The following FLNB variants were observed in gnomAD, a reference collection of about 807,000 sequenced individuals.
FLNB encodes filamin-B.
FLNB carries 111 observed loss-of-function variants against 250.6 expected under a neutral mutation model. The observed-to-expected ratio is 0.44, with a 90% CI of 0.38 to 0.52. The LOEUF is 0.52. Among genes scored for constraint, FLNB ranks in the 20% least tolerant of loss-of-function variants. The probability of loss-of-function intolerance (pLI) is 0.00; values close to 1 mark genes in which losing one functional copy is unlikely to be tolerated. For synonymous variants in FLNB, 1,302 were observed against 1,372.1 expected (o/e 0.95, Z 1.13); for missense variants, 2,869 against 3,447.8 (o/e 0.83, Z 4.20).
chr3:58,078,957 A>T (rs1233719507), intron 3 of FLNB, 143 bp downstream of exon 3: 1 of 670,766 alleles, frequency 1.5e-6, no homozygotes, highest in East Asian at 2.8e-5. Flanking sequence ...CATCTTCCTC[A>T]GTTTACCCAT....
chr3:58,093,741 G>A (rs1178722237), intron 4 of FLNB, among the ~76,000 whole-genome samples: 5 of 152,108 alleles, frequency 3.3e-5, no homozygotes, highest in Admixed American at 3.3e-4. Context: ...TGGGCGAATG[G>A]TTAAACTGTG....
At chr3:58,066,116 G>T (rs1313105442) in intron 1 of FLNB, among the ~76,000 whole-genome samples, 1 of 152,124 alleles carries the variant, frequency 6.6e-6, no homozygotes, top group African/African-American at 2.4e-5. Flanking sequence ...GCAACCTGTT[G>T]CTTTGAGGTT....
At chr3:58,035,224 C>T (rs886760371) in intron 1 of FLNB, among the ~76,000 whole-genome samples, 18 of 152,204 alleles carry the variant, frequency 1.2e-4, no homozygotes, top group African/African-American at 4.3e-4. Flanking sequence ...CTTCACCTCA[C>T]AGGCAGATCA....
chr3:58,124,438 C>T lies in FLNB; in HGVS notation c.3831C>T (p.Ser1277=). 2 of 1,614,252 alleles carry T rather than the reference C, an allele frequency of 1.2e-6. No homozygotes were observed. Among genetic ancestry groups the T allele is most frequent in the Non-Finnish European group, 1.7e-6 (2 of 1,180,038 alleles). ...ACATTGCCAACCCCTCAGGGGCCTCCACCGAGTGCTTTGTCACAGACAATG... is the reference window on the plus strand; with the variant it reads ...ACATTGCCAACCCCTCAGGGGCCTCTACCGAGTGCTTTGTCACAGACAATG... ...KAHIANPSGA[S]TECFVTDNAD... The change falls in exon 22 of 46, where the codon TCC becomes TCT. Residue 1277 remains serine, a synonymous_variant. Transcript: ENST00000295956.
Position 58,142,816 on chromosome 3 carries a change from C to A in FLNB, c.5284+64C>A. 2.8e-6 allele frequency: 4 copies of A among 1,426,416 alleles called. No individual in the cohort carries two copies. The highest frequency in any genetic ancestry group is 3.9e-6 in the Non-Finnish European group (4 of 1,012,714). The allele number at this position is 1,426,416 out of a possible 1,614,324, so 88.4% of individuals were successfully genotyped here. On this transcript the variant is annotated intron_variant, in intron 31 of 45. Coordinates refer to ENST00000295956, the MANE Select transcript of FLNB (RefSeq NM_001457.4). The surrounding 1 kb of genome is among the most constrained non-coding windows in gnomAD (Gnocchi z 4.3). ...CTCTCACGAGCTTCCCAGAATGGTG[C>A]TGGGGAGGTGTGTCCACTGTCCCCC...
chr3:58,105,749 A>C (rs945331134), intron 11 of FLNB, among the ~76,000 whole-genome samples: 2 of 152,224 alleles, frequency 1.3e-5, no homozygotes, highest in Non-Finnish European at 2.9e-5. Context: ...CAGCTATAGG[A>C]ATACGTAAAC....
chr3:58,044,573 T>C (rs967547883), intron 1 of FLNB, among the ~76,000 whole-genome samples: 1 of 152,174 alleles, frequency 6.6e-6, no homozygotes, highest in Non-Finnish European at 1.5e-5. Flanking sequence ...TGCAGCAAGC[T>C]GTGATCACAC....
intron 4 of FLNB, among the ~76,000 whole-genome samples, chr3:58,085,755 C>T (rs992618576): frequency 6.6e-6 from 1 of 152,142 alleles, no homozygotes; most frequent in Admixed American, 6.5e-5. Flanking sequence ...TCCTTAAGCA[C>T]CCTTCTATCT....
intron 25 of FLNB, 86 bp downstream of exon 25, chr3:58,130,994 G>A: frequency 7.7e-6 from 10 of 1,296,300 alleles, no homozygotes; most frequent in Non-Finnish European, 9.7e-6. Context: ...TTGCTTTTGA[G>A]TTTGCTCATG....
chr3:58,155,045 A>C, intron 40 of FLNB, 117 bp downstream of exon 40: 1 of 987,058 alleles, frequency 1.0e-6, no homozygotes, highest in Non-Finnish European at 1.6e-6. Flanking sequence ...GTATGGGCAC[A>C]TGGGACAGCC....
In FLNB at chr3:58,025,981, T is replaced by G. The variant is rs191320403; in HGVS notation, c.292+17125T>G. On this transcript the variant is annotated intron_variant, in intron 1 of 45. Coordinates refer to ENST00000295956, the MANE Select transcript of FLNB (RefSeq NM_001457.4). Reference sequence around the variant, plus strand: ...GAGTTCTTAGGTATAAAAGAGAAGGTGCCTCTAAAGCTCTTGGCACCGTGC... The same window carrying G: ...GAGTTCTTAGGTATAAAAGAGAAGGGGCCTCTAAAGCTCTTGGCACCGTGC... Among the ~76,000 whole-genome samples the G allele has an allele frequency of 1.7e-3, 264 of 152,292 alleles. 1 individual carries two copies. The highest frequency in any genetic ancestry group is 5.7e-3 in the African/African-American group (238 of 41,558).
intron 1 of FLNB, among the ~76,000 whole-genome samples, chr3:58,039,623 A>C (rs1261153648): frequency 6.6e-6 from 1 of 152,224 alleles, no homozygotes; most frequent in East Asian, 1.9e-4. Flanking sequence ...TAGAAGGAAC[A>C]GAACTAGCTT....
chr3:58,115,217 G>GT (rs1374747962), intron 18 of FLNB, among the ~76,000 whole-genome samples: 1 of 152,170 alleles, frequency 6.6e-6, no homozygotes, highest in Non-Finnish European at 1.5e-5. Flanking sequence ...CTGAGGGTTG[G>GT]TGGGAGCCTT....
chr3:58,105,298 G>T (rs769004322), intron 11 of FLNB, 82 bp downstream of exon 11: 119 of 1,559,574 alleles, frequency 7.6e-5, no homozygotes, highest in Non-Finnish European at 1.0e-4. Context: ...GGATGTTGGG[G>T]CCTTGCCTAG....
At chr3:58,152,264 G>C (rs533576817) in intron 38 of FLNB, among the ~76,000 whole-genome samples, 2 of 152,258 alleles carry the variant, frequency 1.3e-5, no homozygotes, top group Admixed American at 6.5e-5. Context: ...ACTAACTTCA[G>C]ATGTCCTCCG....
chr3:58,149,623 G>C (rs757057482), intron 36 of FLNB: 47 of 596,922 alleles, frequency 7.9e-5, no homozygotes, highest in Non-Finnish European at 1.3e-4. Context: ...TTAAGGAAAG[G>C]CTTCTGTGGT....
At chr3:58,133,045 A>G in intron 26 of FLNB, 114 bp downstream of exon 26, 1 of 1,202,558 alleles carries the variant, frequency 8.3e-7, no homozygotes, top group Non-Finnish European at 1.2e-6. Context: ...CCATCCACTC[A>G]TCCATTCCTC....
rs559223528 is a variant in FLNB, at chr3:58,041,104, C to T, written c.292+32248C>T. ...GCTGAGGAAACTGAGGCTACATTTA[C>T]GGTCACCTAGCTGGCAAGCAAGTGG... On this transcript the variant is annotated intron_variant, in intron 1 of 45. Coordinates refer to ENST00000295956, the MANE Select transcript of FLNB (RefSeq NM_001457.4). 5.3e-5 allele frequency among the ~76,000 whole-genome samples: 8 copies of T among 152,232 alleles called. 1 individual carries two copies. The South Asian group carries it at 1.0e-3, about 20-fold the overall frequency.
Position 58,130,763 on chromosome 3 carries a change from G to A in FLNB, c.4245G>A (p.Val1415=). The change falls in exon 25 of 46, where the codon GTG becomes GTA. Residue 1415 remains valine (V), a synonymous_variant. Transcript: ENST00000295956. ...CAGGCAGCCCCTTCAGGGTTCCTGT[G>A]AAGGATGTTGTGGACCCCAGCAAGG... is the stretch of plus-strand genomic sequence containing the variant. The part of the protein sequence containing the change: ...HIPGSPFRVP[V]KDVVDPSKVK... 1 of 1,613,832 alleles carries A rather than the reference G, an allele frequency of 6.2e-7. No homozygotes were observed. The highest frequency in any genetic ancestry group is 1.7e-5 in the Admixed American group (1 of 59,982).
Sources: allele counts gnomAD v4.1 joint callset (sites outside exome capture counted in the v4.1 genomes callset), GRCh38; gene constraint gnomAD v4.1.1; non-coding constraint Gnocchi (gnomAD v3.1); transcripts MANE v1.5; gene names NCBI Gene and HGNC (gene_info 2026-07-23, HGNC 2026-07-21).